KCNB2: variants seen among roughly 807,000 people sequenced by gnomAD.
KCNB2 encodes the protein potassium voltage-gated channel subfamily B member 2.
In KCNB2, 15 loss-of-function variants were observed where a neutral mutation model predicts 61.5. The ratio of observed to expected loss-of-function variants is 0.24; its 90% CI spans 0.16 to 0.38. The LOEUF is 0.38. KCNB2 is among the 10% of genes least tolerant of loss of function. KCNB2 has a pLI of 1.00. For synonymous variants in KCNB2, 457 were observed against 446.0 expected (o/e 1.02, Z -0.31); for missense variants, 828 against 1,125.2 (o/e 0.74, Z 3.78).
chr8:72,838,674 A>G (rs1282593328), intron 2 of KCNB2, among the ~76,000 whole-genome samples: 6 of 152,158 alleles, frequency 3.9e-5, no homozygotes, highest in African/African-American at 1.4e-4. Context: ...CTAGATCCTG[A>G]TATGGTAGGT....
chr8:72,920,453 C>CTATATA lies in KCNB2; in HGVS notation c.580-15479_580-15478insATATAT. On this transcript the variant is annotated intron_variant, in intron 2 of 2. Transcript: ENST00000523207. ...CCCCCTCTCCACTATATCTATCTATCTATCTATCTATCTATCTATCTATAT... is the reference window on the plus strand; with the variant it reads ...CCCCCTCTCCACTATATCTATCTATCTATATATATCTATCTATCTATCTATCTATAT... 3.4e-3 allele frequency among the ~76,000 whole-genome samples: 147 copies of CTATATA among 43,096 alleles called. 13 individuals carry two copies. Among genetic ancestry groups the CTATATA allele is most frequent in the African/African-American group, 0.011 (127 of 11,084 alleles). The allele number at this position is 43,096 out of a possible 152,430, so 28.3% of individuals were successfully genotyped here.
intron 2 of KCNB2, among the ~76,000 whole-genome samples, chr8:72,655,909 T>C (rs1806283986): frequency 6.6e-6 from 1 of 152,134 alleles, no homozygotes; most frequent in South Asian, 2.1e-4. Flanking sequence ...CAGCAGAATA[T>C]GGCATGTTCC....
At chr8:72,780,207 T>C (rs989582041) in intron 2 of KCNB2, among the ~76,000 whole-genome samples, 1 of 152,202 alleles carries the variant, frequency 6.6e-6, no homozygotes, top group African/African-American at 2.4e-5. Context: ...TCTCTGTGCT[T>C]GGAAACAACT....
intron 2 of KCNB2, among the ~76,000 whole-genome samples, chr8:72,919,378 C>T (rs1194816582): frequency 6.6e-6 from 1 of 152,116 alleles, no homozygotes; most frequent in African/African-American, 2.4e-5. Flanking sequence ...GTGATTCTCA[C>T]TATGGAGATT....
chr8:72,747,005 G>A (rs568363899), intron 2 of KCNB2, among the ~76,000 whole-genome samples: 3 of 152,226 alleles, frequency 2.0e-5, no homozygotes, highest in African/African-American at 4.8e-5. Flanking sequence ...TGTTTTAAAA[G>A]GGTACCTGGG....
chr8:72,778,733 CAAAAAAAAAA>C (rs753797385), intron 2 of KCNB2, among the ~76,000 whole-genome samples: 402 of 14,156 alleles, frequency 0.028, 3 homozygotes, highest in African/African-American at 0.04. Flanking sequence ...ACAGAGCGAG[CAAAAAAAAAA>C]AAAAAAAAAA....
intron 2 of KCNB2, among the ~76,000 whole-genome samples, chr8:72,807,044 G>C (rs180946072): frequency 2.0e-5 from 3 of 152,124 alleles, no homozygotes; most frequent in Admixed American, 2.0e-4. Flanking sequence ...GAAATGGCAC[G>C]AAGGAAAAGG....
chr8:72,796,893 C>T (rs554922266), intron 2 of KCNB2, among the ~76,000 whole-genome samples: 77 of 152,200 alleles, frequency 5.1e-4, no homozygotes, highest in South Asian at 2.7e-3. Context: ...TTCCATTTTG[C>T]AGTGTCTGTA....
chr8:72,739,185 A>G (rs1262956896), intron 2 of KCNB2, among the ~76,000 whole-genome samples: 1 of 151,876 alleles, frequency 6.6e-6, no homozygotes, highest in Non-Finnish European at 1.5e-5. Context: ...TTATAGTCAA[A>G]TATTTCAACC....
chr8:72,764,686 TA>T (rs1231839815), intron 2 of KCNB2, among the ~76,000 whole-genome samples: 3 of 152,292 alleles, frequency 2.0e-5, no homozygotes, highest in Non-Finnish European at 2.9e-5. Context: ...TGTTCTTTCT[TA>T]GTAAAGAAAA....
At chr8:72,924,986 G>T (rs1447182519) in intron 2 of KCNB2, among the ~76,000 whole-genome samples, 1 of 152,148 alleles carries the variant, frequency 6.6e-6, no homozygotes, top group Admixed American at 6.5e-5. Flanking sequence ...CTCCATTTCA[G>T]CATGGCCGTC....
chr8:72,611,816 C>T (rs1304791746), intron 2 of KCNB2, among the ~76,000 whole-genome samples: 2 of 152,066 alleles, frequency 1.3e-5, no homozygotes, highest in Non-Finnish European at 2.9e-5. Flanking sequence ...CCTAGGTAGC[C>T]CACTTGCTGC....
intron 2 of KCNB2, among the ~76,000 whole-genome samples, chr8:72,623,139 T>C (rs771582943): frequency 3.3e-5 from 5 of 152,266 alleles, no homozygotes; most frequent in Non-Finnish European, 7.3e-5. Flanking sequence ...TAAAGACTTC[T>C]GTTGCAGTCA....
intron 2 of KCNB2, among the ~76,000 whole-genome samples, chr8:72,731,461 C>T (rs941737217): frequency 6.6e-6 from 1 of 152,176 alleles, no homozygotes; most frequent in African/African-American, 2.4e-5. Context: ...AGAGTTTGCC[C>T]ATTAACCAAG....
chr8:72,689,853 ACTT>A lies in KCNB2; in HGVS notation c.579+121546_579+121548del, dbSNP rs796598479. On this transcript the variant is annotated intron_variant, in intron 2 of 2. Transcript: ENST00000523207. ...CTAAGAACTTTGGAATTAAAAAAAA[ACTT>A]CTTCTGATCGTGAGTCTGGCTTATG... 3.3e-5 allele frequency among the ~76,000 whole-genome samples: 5 copies of A among 152,242 alleles called. 1 individual carries two copies. Among genetic ancestry groups the A allele is most frequent in the African/African-American group, 9.6e-5 (4 of 41,544 alleles).
chr8:72,726,600 C>T (rs1356480819), intron 2 of KCNB2, among the ~76,000 whole-genome samples: 1 of 152,066 alleles, frequency 6.6e-6, no homozygotes, highest in Non-Finnish European at 1.5e-5. Context: ...TACGACATAT[C>T]CAATTTATTT....
rs1188857016 is a variant in KCNB2 at position 72,937,233 on chromosome 8, C to T, written c.1878C>T (p.Ala626=). 1.9e-6 allele frequency: 3 copies of T among 1,614,090 alleles called. No homozygotes were observed. Among genetic ancestry groups the T allele is most frequent in the Non-Finnish European group, 2.5e-6 (3 of 1,180,018 alleles). The change falls in exon 3 of 3, where the codon GCC becomes GCT. Residue 626 remains alanine (A), a synonymous_variant. Coordinates refer to ENST00000523207, the MANE Select transcript of KCNB2 (RefSeq NM_004770.3). ...GATCGCCGCTGCCGCCGCCCTCCGC[C>T]TCTCACTTGCAGATGAAGTTCCCAA... is the stretch of plus-strand genomic sequence containing the variant. The part of the protein sequence containing the change: ...TERSPLPPPS[A]SHLQMKFPTD...
Position 72,584,277 on chromosome 8 carries a change from G to C in KCNB2, c.579+15964G>C, listed in dbSNP as rs570915365. Among the ~76,000 whole-genome samples the C allele has an allele frequency of 1.4e-4, 22 of 152,216 alleles. No individual in the cohort carries two copies. In the East Asian group the frequency reaches 4.3e-3, roughly 29 times the overall value. On this transcript the variant is annotated intron_variant, in intron 2 of 2. Transcript: ENST00000523207. The stretch of plus-strand genomic sequence containing the variant: ...ATATAAACTGGCAAAGCCAGACAAA[G>C]ATAAATATGAGGGAGTCCATGAAAG...
chr8:72,885,208 C>T (rs1306795363), intron 2 of KCNB2, among the ~76,000 whole-genome samples: 1 of 152,058 alleles, frequency 6.6e-6, no homozygotes, highest in African/African-American at 2.4e-5. Context: ...GTCATACATA[C>T]TACTGACCTA....
Sources: allele counts gnomAD v4.1 joint callset (sites outside exome capture counted in the v4.1 genomes callset), GRCh38; gene constraint gnomAD v4.1.1; transcripts MANE v1.5; gene names NCBI Gene and HGNC (gene_info 2026-07-23, HGNC 2026-07-21).